The following SLC15A2 variants were observed in gnomAD, a reference collection of about 807,000 sequenced individuals.
SLC15A2 encodes kidney H(+)/peptide cotransporter.
SLC15A2 carries 77 observed loss-of-function variants against 95.5 expected under a neutral mutation model. That is an observed-to-expected ratio of 0.81 (90% CI 0.67 to 0.97). The LOEUF (loss-of-function observed/expected upper bound fraction) is 0.97. SLC15A2 is among the 50% of genes least tolerant of loss of function. The pLI, the probability that SLC15A2 is intolerant of heterozygous loss-of-function variation, is 0.00. For synonymous variants in SLC15A2, 306 were observed against 306.9 expected, an observed-to-expected ratio of 1.00 and a Z score of 0.03; for missense variants, 893 against 874.4, an observed-to-expected ratio of 1.02 and a Z score of -0.27.
intron 19 of SLC15A2, 112 bp downstream of exon 19, chr3:121,931,847 G>A (rs1316866831): frequency 1.7e-5 from 11 of 630,522 alleles, no homozygotes; most frequent in East Asian, 5.5e-5. Context: ...AAGCAGACAC[G>A]TATATTTATT....
intron 3 of SLC15A2, among the ~76,000 whole-genome samples, chr3:121,901,149 T>G (rs4465981): frequency 0.46 from 69,203 of 151,726 alleles, 16,377 homozygotes; most frequent in East Asian, 0.69. Flanking sequence ...CTCCTGAGTA[T>G]CTGGGATTAT....
At chr3:121,897,201 T>C (rs1161612685) in intron 2 of SLC15A2, among the ~76,000 whole-genome samples, 187 bp from the exon 3 acceptor site, 4 of 151,932 alleles carry the variant, frequency 2.6e-5, no homozygotes, top group Non-Finnish European at 5.9e-5. Flanking sequence ...TCCCATTCAC[T>C]CCCACAACTC....
intron 3 of SLC15A2, among the ~76,000 whole-genome samples, chr3:121,903,364 ATTTGTCAAT>A (rs1447557898): frequency 6.6e-6 from 1 of 152,028 alleles, no homozygotes; most frequent in Admixed American, 6.6e-5. Flanking sequence ...ATTAGATCCC[ATTTGTCAAT>A]TTTGGCTTTG....
intron 19 of SLC15A2, 43 bp from the exon 20 acceptor site, chr3:121,939,306 T>G: frequency 1.4e-6 from 2 of 1,407,626 alleles, no homozygotes; most frequent in Non-Finnish European, 1.9e-6. Flanking sequence ...AATATTTACT[T>G]GAGACTACTG....
In SLC15A2 at chr3:121,915,228, C is replaced by T; in HGVS notation, c.530C>T (p.Ala177Val). The change falls in exon 6 of 22, where the codon GCA becomes GTA. Residue 177 changes from alanine (A) to valine (V), a missense_variant and splice_region_variant. Ala to Val is a moderately conservative substitution (Grantham distance 64). Transcript: ENST00000489711. ...GATGATTTATCCTGTTTGTTTCAGG[C>T]AGAGGAACGGACTAGATACTTCTCA... is the stretch of plus-strand genomic sequence containing the variant. ...FGGDQFEEKH[A>V]EERTRYFSVF... 6.2e-7 allele frequency: 1 copy of T among 1,610,938 alleles called. No homozygotes were observed. The highest frequency in any genetic ancestry group is 8.5e-7 in the Non-Finnish European group (1 of 1,177,166).
chr3:121,899,785 A>G (rs1240025476), intron 3 of SLC15A2, among the ~76,000 whole-genome samples: 1 of 152,204 alleles, frequency 6.6e-6, no homozygotes, highest in African/African-American at 2.4e-5. Context: ...TACAGATCAT[A>G]TTGTAGTACA....
intron 19 of SLC15A2, among the ~76,000 whole-genome samples, chr3:121,935,330 G>A (rs1710318248): frequency 1.3e-5 from 2 of 152,156 alleles, no homozygotes; most frequent in South Asian, 4.1e-4. Flanking sequence ...AATAGTTTCA[G>A]AAGGAATGGT....
At chr3:121,919,488 G>C (rs1040738143) in intron 7 of SLC15A2, among the ~76,000 whole-genome samples, 2 of 152,168 alleles carry the variant, frequency 1.3e-5, no homozygotes, top group Non-Finnish European at 2.9e-5. Flanking sequence ...TTGAATGGGG[G>C]AGTACATGCT....
At chr3:121,920,698 T>G (rs562602089) in intron 7 of SLC15A2, among the ~76,000 whole-genome samples, 1 of 152,210 alleles carries the variant, frequency 6.6e-6, no homozygotes, top group Non-Finnish European at 1.5e-5. Context: ...AGATAAAGGA[T>G]GCTATTTGGA....
Position 121,894,469 on chromosome 3 carries a change from A to G in SLC15A2, c.-8A>G, listed in dbSNP as rs779745287. 2 of 1,610,448 alleles carry G rather than the reference A, an allele frequency of 1.2e-6. No homozygotes were observed. Among genetic ancestry groups the G allele is most frequent in the Non-Finnish European group, 1.7e-6 (2 of 1,177,558 alleles). On this transcript the variant is annotated 5_prime_UTR_variant, in exon 1 of 22. Coordinates refer to ENST00000489711, the MANE Select transcript of SLC15A2 (RefSeq NM_021082.4). ...GCTTGAGGAGAGAGAGAGAGTAAGG[A>G]GCCAGCCATGAATCCTTTCCAGAAA... is the stretch of plus-strand genomic sequence containing the variant.
chr3:121,938,254 A>G (rs1411294894), intron 19 of SLC15A2, among the ~76,000 whole-genome samples: 1 of 152,232 alleles, frequency 6.6e-6, no homozygotes, highest in East Asian at 1.9e-4. Context: ...TGGAGCCTAC[A>G]GAGGCAGGCA....
At chr3:121,918,213 T>C (rs917651230) in intron 7 of SLC15A2, among the ~76,000 whole-genome samples, 1 of 152,152 alleles carries the variant, frequency 6.6e-6, no homozygotes, top group South Asian at 2.1e-4. Flanking sequence ...CTGGCCCTGG[T>C]TGAATTAACA....
intron 17 of SLC15A2, among the ~76,000 whole-genome samples, chr3:121,930,560 G>GA (rs1455833997): frequency 1.3e-5 from 2 of 152,184 alleles, no homozygotes; most frequent in Non-Finnish European, 2.9e-5. Flanking sequence ...TTCCATGAAT[G>GA]ATCATGATAG....
chr3:121,936,439 CTGGGTGCTCCTGTAT>C (rs1280065437), intron 19 of SLC15A2, among the ~76,000 whole-genome samples: 2 of 152,122 alleles, frequency 1.3e-5, no homozygotes, highest in East Asian at 3.8e-4. Flanking sequence ...CTTTATGACT[CTGGGTGCTCCTGTAT>C]TGGGTGCATA....
intron 13 of SLC15A2, among the ~76,000 whole-genome samples, chr3:121,927,392 A>G (rs751395290): frequency 6.6e-6 from 1 of 152,210 alleles, no homozygotes; most frequent in Non-Finnish European, 1.5e-5. Context: ...CTGTGGTGCT[A>G]TCTTCATGAT....
At position 121,922,858 on chromosome 3, in the gene SLC15A2, T is replaced by G. The variant is rs199536151; in HGVS notation, c.864T>G (p.Tyr288Ter). ...GGCTAGACTGGGCGGCTGAGAAATATCCAGTAAGTTGGAAATGCAGAAACA... is the reference window on the plus strand; with the variant it reads ...GGCTAGACTGGGCGGCTGAGAAATAGCCAGTAAGTTGGAAATGCAGAAACA... Reference protein sequence around the residue: ...QHWLDWAAEKYPKQLIMDVKA... With the variant: ...QHWLDWAAEK Residue 288 changes from tyrosine (Y) to a stop codon, truncating the protein, a stop_gained, in exon 9 of 22, where the codon TAT (tyrosine) becomes TAG (stop). Coordinates refer to ENST00000489711, the MANE Select transcript of SLC15A2 (RefSeq NM_021082.4). LOFTEE classifies it high-confidence loss of function. 2 of 1,612,888 alleles carry G rather than the reference T, an allele frequency of 1.2e-6. No homozygotes were observed. Among genetic ancestry groups the G allele is most frequent in the Admixed American group, 3.3e-5 (2 of 60,004 alleles).
intron 5 of SLC15A2, chr3:121,914,880 A>G (rs1342851529): frequency 2.3e-6 from 1 of 437,470 alleles, no homozygotes; most frequent in Non-Finnish European, 3.0e-6. Flanking sequence ...AAAAAACCAC[A>G]AACACACACA....
chr3:121,929,182 T>A (rs768636936), intron 16 of SLC15A2, 36 bp downstream of exon 16: 27 of 1,605,858 alleles, frequency 1.7e-5, no homozygotes, highest in Non-Finnish European at 2.2e-5. Context: ...TCAGTTGTCA[T>A]CTCAAAGTAA....
chr3:121,897,492 G>A lies in SLC15A2; in HGVS notation c.298G>A (p.Gly100Arg), dbSNP rs1379103827. ...CCTCTGTTATTTTACTCCCATCCTG[G>A]GAGCAGCCATTGCTGACTCGTGGTT... ...SSLCYFTPIL[G>R]AAIADSWLGK... The change falls in exon 3 of 22, where the codon GGA becomes AGA. Residue 100 changes from glycine to arginine, a missense_variant. Physicochemically the swap from Gly to Arg is moderately radical, Grantham distance 125. Transcript: ENST00000489711. The A allele has an allele frequency of 6.2e-7, 1 of 1,613,698 alleles. No homozygotes were observed. Among genetic ancestry groups the A allele is most frequent in the Non-Finnish European group, 8.5e-7 (1 of 1,179,954 alleles).
Sources: gnomAD v4.1 joint callset for allele counts (sites outside exome capture counted in the v4.1 genomes callset) on GRCh38, gnomAD v4.1.1 for gene constraint, MANE v1.5 for transcripts, NCBI Gene and HGNC (gene_info 2026-07-23, HGNC 2026-07-21) for gene names.